The following EML1 variants were observed in gnomAD, a reference collection of about 807,000 sequenced individuals.
EML1 encodes the protein EMAP like 1.
Under a neutral mutation model 110.4 loss-of-function variants are expected in EML1, and 27 were observed. That is an observed-to-expected ratio of 0.24 (90% confidence interval 0.18 to 0.34). The LOEUF (loss-of-function observed/expected upper bound fraction) is 0.34. Ranked by LOEUF, EML1 falls within the 10% of genes least tolerant of loss-of-function variation. The pLI is 1.00. For synonymous variants in EML1, 344 were observed against 385.8 expected, an observed-to-expected ratio of 0.89 and a Z score of 1.27; for missense variants, 741 against 1,030.9, an observed-to-expected ratio of 0.72 and a Z score of 3.85.
intron 1 of EML1, among the ~76,000 whole-genome samples, chr14:99,786,880 C>T (rs2057606460): frequency 6.6e-6 from 1 of 152,142 alleles, no homozygotes; most frequent in African/African-American, 2.4e-5. Context: ...AGGACACAGG[C>T]TACTGTTGCA....
intron 1 of EML1, among the ~76,000 whole-genome samples, chr14:99,759,964 G>T (rs192882133): frequency 8.6e-4 from 131 of 151,572 alleles, no homozygotes; most frequent in Middle Eastern, 6.8e-3. Context: ...GAAATTAGCC[G>T]GGCGTGGTGG....
At chr14:99,857,587 C>T (rs1464703891) in intron 2 of EML1, among the ~76,000 whole-genome samples, 1 of 152,218 alleles carries the variant, frequency 6.6e-6, no homozygotes, top group Non-Finnish European at 1.5e-5. Flanking sequence ...CAGTTGCTCC[C>T]TCCTCCCAGT....
chr14:99,759,787 C>G (rs779420912), intron 1 of EML1, among the ~76,000 whole-genome samples: 1 of 152,184 alleles, frequency 6.6e-6, no homozygotes, highest in African/African-American at 2.4e-5. Context: ...GGGGAAGCAC[C>G]TGGAAAACGC....
At chr14:99,838,916 C>CGCGCGCGCGTGTGTGT (rs1566891423) in intron 1 of EML1, 1 of 41,686 alleles carries the variant, frequency 2.4e-5, no homozygotes, top group African/African-American at 7.8e-5. Flanking sequence ...TGCGCGCGCG[C>CGCGCGCGCGTGTGTGT]GCGTGTGTGT....
intron 1 of EML1, among the ~76,000 whole-genome samples, chr14:99,760,709 C>T (rs1473814180): frequency 6.6e-6 from 1 of 152,152 alleles, no homozygotes; most frequent in Non-Finnish European, 1.5e-5. Context: ...AACGCCCAAA[C>T]ACCAATATTA....
In EML1 at chr14:99,811,165, G is replaced by GT. The variant is rs1595319376; in HGVS notation, c.67+17622_67+17623insT. Among the ~76,000 whole-genome samples the GT allele has an allele frequency of 7.1e-4, 107 of 149,954 alleles. 1 individual carries two copies. The highest frequency in any genetic ancestry group is 1.6e-3 in the African/African-American group (65 of 40,846). Reference sequence around the variant, plus strand: ...CAGTTAAAAATTCATGTATAATAGGGGTTTTTTTTTTGTTTTTTTGGGTTT... The same window carrying GT: ...CAGTTAAAAATTCATGTATAATAGGGTGTTTTTTTTTTGTTTTTTTGGGTTT... On this transcript the variant is annotated intron_variant, in intron 1 of 21. Transcript: ENST00000262233.
intron 1 of EML1, 89 bp downstream of exon 1, chr14:99,793,632 A>C: frequency 1.1e-6 from 1 of 923,406 alleles, no homozygotes; most frequent in Non-Finnish European, 1.3e-6. Flanking sequence ...CGAGGGGCCG[A>C]GGCCCGGCGG....
intron 1 of EML1, among the ~76,000 whole-genome samples, chr14:99,804,467 A>G (rs749696611): frequency 5.5e-4 from 83 of 152,228 alleles, no homozygotes; most frequent in Admixed American, 2.0e-4. Context: ...TTGACCGACA[A>G]GGAAACAGAG....
At chr14:99,779,290 G>A (rs2057514661) in intron 1 of EML1, among the ~76,000 whole-genome samples, 1 of 152,012 alleles carries the variant, frequency 6.6e-6, no homozygotes, top group South Asian at 2.1e-4. Context: ...TGTGGGGATT[G>A]TATTTCTACG....
At chr14:99,851,066 T>A (rs778118342) in intron 2 of EML1, 31 bp downstream of exon 2, 1 of 1,590,700 alleles carries the variant, frequency 6.3e-7, no homozygotes, top group Non-Finnish European at 8.6e-7. Context: ...GGAACTTCAG[T>A]AGAATTGGTC....
intron 1 of EML1, among the ~76,000 whole-genome samples, chr14:99,845,355 T>G (rs1450172132): frequency 6.6e-6 from 1 of 152,242 alleles, no homozygotes; most frequent in East Asian, 1.9e-4. Context: ...TCCCCTTGCC[T>G]ATTTTTAAAA....
intron 5 of EML1, chr14:99,892,096 C>T (rs1850833552): frequency 1.0e-6 from 1 of 982,310 alleles, no homozygotes; most frequent in Admixed American, 6.1e-5. Flanking sequence ...CCGGGGCAGG[C>T]AGGCCAGCCA....
chr14:99,905,863 CTCTG>C lies in EML1; in HGVS notation c.1009-1771_1009-1768del, dbSNP rs779542091. On this transcript the variant is annotated intron_variant, in intron 9 of 21. Coordinates refer to ENST00000262233, the MANE Select transcript of EML1 (RefSeq NM_004434.3). The surrounding 1 kb of genome is among the most constrained non-coding windows in gnomAD (Gnocchi z 4.1). ...TTTATTAAGAGGGGCCTTTAACCCA[CTCTG>C]TCTTAGGAGAGACTCCTAAGTTAGG... 9.2e-5 allele frequency among the ~76,000 whole-genome samples: 14 copies of C among 152,152 alleles called. No homozygotes were observed. The highest frequency in any genetic ancestry group is 1.6e-4 in the Non-Finnish European group (11 of 68,004).
intron 17 of EML1, among the ~76,000 whole-genome samples, chr14:99,935,549 C>T (rs578135670): frequency 3.9e-5 from 6 of 152,122 alleles, no homozygotes; most frequent in South Asian, 2.1e-4. Flanking sequence ...TTTGGGAGGC[C>T]GAGGCGGGCG....
chr14:99,938,672 G>T (rs2060518850), intron 20 of EML1, among the ~76,000 whole-genome samples: 1 of 152,212 alleles, frequency 6.6e-6, no homozygotes, highest in Admixed American at 6.5e-5. Flanking sequence ...GCAGAGCCTG[G>T]AGCCAGTAAT....
intron 5 of EML1, among the ~76,000 whole-genome samples, chr14:99,893,784 G>A (rs1595444854): frequency 1.3e-5 from 2 of 152,126 alleles, no homozygotes; most frequent in East Asian, 1.9e-4. Flanking sequence ...AGAATTCAGC[G>A]AGTTCTGAAT....
chr14:99,856,848 C>T (rs919582657), intron 2 of EML1, among the ~76,000 whole-genome samples: 1 of 152,160 alleles, frequency 6.6e-6, no homozygotes, highest in Non-Finnish European at 1.5e-5. Context: ...AATATGTGGT[C>T]AGTTTTCATT....
At chr14:99,853,254 A>G (rs1228836068) in intron 2 of EML1, among the ~76,000 whole-genome samples, 1 of 152,244 alleles carries the variant, frequency 6.6e-6, no homozygotes, top group African/African-American at 2.4e-5. Flanking sequence ...GAAGTAAAAA[A>G]AAGATTCACA....
At chr14:99,887,771 G>T (rs901233559) in intron 4 of EML1, among the ~76,000 whole-genome samples, 1 of 152,208 alleles carries the variant, frequency 6.6e-6, no homozygotes, top group African/African-American at 2.4e-5. Flanking sequence ...GCGTTCTGGA[G>T]AGATGCACTT....
Sources: gnomAD v4.1 joint callset for allele counts (sites outside exome capture counted in the v4.1 genomes callset) on GRCh38, gnomAD v4.1.1 for gene constraint, Gnocchi (gnomAD v3.1) non-coding constraint, MANE v1.5 for transcripts, NCBI Gene and HGNC (gene_info 2026-07-23, HGNC 2026-07-21) for gene names.